The following SNCAIP variants were observed in gnomAD, a reference collection of about 807,000 sequenced individuals.
The protein encoded by SNCAIP is synphilin-1.
Under a neutral mutation model 86.7 loss-of-function variants are expected in SNCAIP, and 43 were observed. That is an observed-to-expected ratio of 0.50 (90% CI 0.39 to 0.64). SNCAIP has a LOEUF of 0.64. Ranked by LOEUF, SNCAIP falls within the 30% of genes least tolerant of loss-of-function variation. SNCAIP has a pLI of 0.00. For synonymous variants in SNCAIP, 417 were observed against 427.2 expected (o/e 0.98, Z 0.29); for missense variants, 981 against 1,103.1 (o/e 0.89, Z 1.57).
chr5:122,366,046 T>C (rs1235191656), intron 1 of SNCAIP, among the ~76,000 whole-genome samples: 1 of 152,114 alleles, frequency 6.6e-6, no homozygotes, highest in Non-Finnish European at 1.5e-5. Context: ...AGTGAATTAG[T>C]CAGGGTCAAG....
intron 1 of SNCAIP, chr5:122,321,460 C>T (rs1189195414): frequency 6.6e-6 from 1 of 152,186 alleles, no homozygotes; most frequent in African/African-American, 2.4e-5. Flanking sequence ...TCCCTCGACA[C>T]TTAGCTCAGA....
intron 1 of SNCAIP, among the ~76,000 whole-genome samples, chr5:122,374,638 A>C (rs189689056): frequency 7.9e-5 from 12 of 152,274 alleles, no homozygotes; most frequent in Non-Finnish European, 1.6e-4. Flanking sequence ...GCGAGAAACT[A>C]TATGAACATT....
intron 1 of SNCAIP, among the ~76,000 whole-genome samples, chr5:122,379,556 G>A (rs1766189635): frequency 4.1e-5 from 6 of 146,628 alleles, no homozygotes; most frequent in East Asian, 2.0e-4. Flanking sequence ...GATTGCCCTG[G>A]CCAGAACTTC....
intron 1 of SNCAIP, among the ~76,000 whole-genome samples, chr5:122,338,264 CAG>C (rs972750344): frequency 3.9e-5 from 6 of 152,124 alleles, no homozygotes; most frequent in African/African-American, 1.4e-4. Context: ...GTACTAAAAA[CAG>C]ATGATATGTT....
chr5:122,440,699 A>T lies in SNCAIP; in HGVS notation c.1367A>T (p.Asp456Val). 3 of 1,614,052 alleles carry T rather than the reference A, an allele frequency of 1.9e-6. No individual in the cohort carries two copies. Among genetic ancestry groups the T allele is most frequent in the Non-Finnish European group, 2.5e-6 (3 of 1,179,908 alleles). ...ATCTCGTTGGATGAAGTAGACCAGG[A>T]TGGCAACAGTGCCGTTCACGTAGCC... The part of the protein sequence containing the change: ...QGISLDEVDQ[D>V]GNSAVHVASQ... Residue 456 changes from aspartate (D) to valine (V), a missense_variant, in exon 7 of 11, where the codon GAT (aspartate) becomes GTT (valine). By Grantham distance (152) the Asp-to-Val change is radical. Transcript: ENST00000261368.
At chr5:122,456,379 T>G (rs1784767549) in intron 10 of SNCAIP, among the ~76,000 whole-genome samples, 1 of 152,324 alleles carries the variant, frequency 6.6e-6, no homozygotes, top group South Asian at 2.1e-4. Context: ...TGACATCTAC[T>G]ATAGTAATGG....
intron 8 of SNCAIP, 117 bp downstream of exon 8, chr5:122,444,849 A>C: frequency 1.1e-6 from 1 of 885,084 alleles, no homozygotes; most frequent in Non-Finnish European, 1.9e-6. Context: ...AATTCCTAGC[A>C]TTCTCCTCTT....
rs780833907 is a variant in SNCAIP, at chr5:122,423,021, A to C, written c.284A>C (p.Asp95Ala). 5 of 1,614,140 alleles carry C rather than the reference A, an allele frequency of 3.1e-6. 1 individual carries two copies. The highest frequency in any genetic ancestry group is 4.2e-6 in the Non-Finnish European group (5 of 1,180,018). Residue 95 changes from aspartate to alanine, a missense_variant, in exon 4 of 11, where the codon GAT becomes GCT. Physicochemically the swap from Asp to Ala is moderately radical, Grantham distance 126 (BLOSUM62 -2). Transcript: ENST00000261368. The part of the protein sequence containing the change: ...QPETLENNES[D>A]DQKNQKVVEY... ...GAGACTCTGGAGAACAATGAAAGTG[A>C]TGACCAAAAGAACCAGAAAGTGGTT...
chr5:122,450,226 G>T (rs1363768552), intron 9 of SNCAIP, among the ~76,000 whole-genome samples: 5 of 151,540 alleles, frequency 3.3e-5, no homozygotes, highest in South Asian at 2.1e-4. Flanking sequence ...GGGAATAGGA[G>T]ATATATATAT....
intron 2 of SNCAIP, among the ~76,000 whole-genome samples, chr5:122,403,005 C>A (rs1341028912): frequency 6.6e-6 from 1 of 152,184 alleles, no homozygotes; most frequent in African/African-American, 2.4e-5. Context: ...ACACCCTCCT[C>A]TAAAGAAAGA....
At chr5:122,360,187 T>C (rs1761930077) in intron 1 of SNCAIP, among the ~76,000 whole-genome samples, 1 of 152,220 alleles carries the variant, frequency 6.6e-6, no homozygotes, top group Admixed American at 6.5e-5. Context: ...TAAGTATTCC[T>C]AAACGTTTCG....
chr5:122,339,095 T>C (rs1412774491), intron 1 of SNCAIP, among the ~76,000 whole-genome samples: 1 of 152,176 alleles, frequency 6.6e-6, no homozygotes, highest in Non-Finnish European at 1.5e-5. Context: ...ATGGTGTAGG[T>C]CTGGAGAAAG....
At chr5:122,430,591 G>C (rs1409129977) in intron 5 of SNCAIP, among the ~76,000 whole-genome samples, 2 of 152,148 alleles carry the variant, frequency 1.3e-5, no homozygotes. Flanking sequence ...TTTTAATCAC[G>C]AGGAGATACG....
chr5:122,354,184 C>T (rs1290209537), intron 1 of SNCAIP, among the ~76,000 whole-genome samples: 1 of 152,172 alleles, frequency 6.6e-6, no homozygotes, highest in African/African-American at 2.4e-5. Flanking sequence ...TTTGAGTTTA[C>T]ACTTCCTTGA....
intron 3 of SNCAIP, among the ~76,000 whole-genome samples, chr5:122,410,016 C>T (rs1001376062): frequency 1.3e-5 from 2 of 152,132 alleles, no homozygotes; most frequent in Admixed American, 1.3e-4. Context: ...AACACTTCAA[C>T]CTGATGCAGC....
intron 1 of SNCAIP, among the ~76,000 whole-genome samples, chr5:122,349,546 G>T (rs1732853227): frequency 6.6e-6 from 1 of 152,116 alleles, no homozygotes; most frequent in African/African-American, 2.4e-5. Context: ...CAGAAAATTA[G>T]ATTTTTATTA....
chr5:122,357,059 C>T (rs914770451), intron 1 of SNCAIP, among the ~76,000 whole-genome samples: 4 of 152,146 alleles, frequency 2.6e-5, no homozygotes, highest in South Asian at 2.1e-4. Context: ...CTGATACTCT[C>T]GCAGTCTCCT....
chr5:122,413,805 A>G (rs989904151), intron 3 of SNCAIP, among the ~76,000 whole-genome samples: 1 of 152,218 alleles, frequency 6.6e-6, no homozygotes, highest in Non-Finnish European at 1.5e-5. Flanking sequence ...CAGCTGTAAG[A>G]ACAGATTACC....
intron 1 of SNCAIP, among the ~76,000 whole-genome samples, chr5:122,326,605 C>CT (rs1491240086): frequency 1.6e-3 from 166 of 102,420 alleles, no homozygotes; most frequent in Non-Finnish European, 2.6e-3. Flanking sequence ...AGAAATGTCT[C>CT]CTTTTTTTTT....
Sources: allele counts gnomAD v4.1 joint callset (sites outside exome capture counted in the v4.1 genomes callset), GRCh38; gene constraint gnomAD v4.1.1; transcripts MANE v1.5; gene names NCBI Gene and HGNC (gene_info 2026-07-23, HGNC 2026-07-21).